Variants in WDR49 observed in about 807,000 individuals in gnomAD.
The protein encoded by WDR49 is WD repeat domain 49.
WDR49 carries 107 observed loss-of-function variants against 119.5 expected under a neutral mutation model. That is an observed-to-expected ratio of 0.90 (90% confidence interval 0.77 to 1.05). The LOEUF (loss-of-function observed/expected upper bound fraction) is 1.05, where lower values mean the gene tolerates loss of function less well. Among genes scored for constraint, WDR49 ranks in the 50% least tolerant of loss-of-function variants. The pLI, the probability that WDR49 is intolerant of heterozygous loss-of-function variation, is 0.00. For missense variants in WDR49, 1,240 were observed against 1,220.5 expected (o/e 1.02, Z -0.24); for synonymous variants, 425 against 418.8 (o/e 1.01, Z -0.18).
intron 7 of WDR49, among the ~76,000 whole-genome samples, chr3:167,595,207 C>A (rs926460912): frequency 1.3e-5 from 2 of 152,058 alleles, no homozygotes; most frequent in African/African-American, 4.8e-5. Flanking sequence ...CACTGCTCAA[C>A]AAAATAAAAG....
At position 167,576,067 on chromosome 3, in the gene WDR49, G is replaced by C. The variant is rs1405315330; in HGVS notation, c.1360C>G (p.Leu454Val). Residue 454 changes from leucine (L) to valine (V), a missense_variant, in exon 8 of 19, where the codon CTC becomes GTC. Leu to Val is a conservative substitution (Grantham distance 32, BLOSUM62 1). Coordinates refer to ENST00000682715, the MANE Select transcript of WDR49 (RefSeq NM_001366157.1). The stretch of plus-strand genomic sequence containing the variant: ...CCATGGGCTTCATCAAAGTGGAAGA[G>C]ACATCTGAAGTCCTGACTTTTGGGG... ...SFPKSQDFRC[L>V]FHFDEAHGRL... 6.2e-6 allele frequency: 10 copies of C among 1,614,060 alleles called. No homozygotes were observed. In the Admixed American group the frequency reaches 1.0e-4, roughly 16 times the overall value.
chr3:167,627,272 G>A lies in WDR49; in HGVS notation c.186C>T (p.Ile62=). The A allele has an allele frequency of 8.1e-7, 1 of 1,235,606 alleles. No homozygotes were observed. Among genetic ancestry groups the A allele is most frequent in the Non-Finnish European group, 1.0e-6 (1 of 989,068 alleles). 76.5% of individuals were successfully genotyped at this position (1,235,606 alleles called of 1,614,324 possible). Residue 62 remains isoleucine (I), a synonymous_variant, in exon 3 of 19, where the codon ATC becomes ATT. Transcript: ENST00000682715. The stretch of plus-strand genomic sequence containing the variant: ...TGAAGTCTTCTCTGGACATACAAAT[G>A]ATTTTCCTTGGCTGTGGGGACTAGA... ...KAFESPQPRK[I]ICMSREDFTQ...
At chr3:167,576,288 G>T (rs969912178) in intron 7 of WDR49, 137 bp from the exon 8 acceptor site, 5 of 666,586 alleles carry the variant, frequency 7.5e-6, no homozygotes, top group Non-Finnish European at 1.3e-5. Flanking sequence ...TCTCAATTCT[G>T]CCATAGCACC....
chr3:167,487,325 T>G (rs965967423), intron 18 of WDR49, among the ~76,000 whole-genome samples: 8 of 152,132 alleles, frequency 5.3e-5, no homozygotes, highest in African/African-American at 1.9e-4. Flanking sequence ...TGGCTAACCA[T>G]ATGCAGACAA....
intron 10 of WDR49, among the ~76,000 whole-genome samples, chr3:167,548,676 T>C (rs911475709): frequency 6.6e-5 from 10 of 151,950 alleles, no homozygotes; most frequent in African/African-American, 2.4e-4. Flanking sequence ...CAAGTTGCAA[T>C]GATATTTATT....
intron 8 of WDR49, chr3:167,575,183 G>T (rs764519356): frequency 1.6e-5 from 16 of 985,406 alleles, no homozygotes; most frequent in Non-Finnish European, 1.9e-5. Context: ...GATCACTGCA[G>T]CAGGCTAACC....
intron 18 of WDR49, among the ~76,000 whole-genome samples, chr3:167,486,615 A>G (rs1750929434): frequency 6.6e-6 from 1 of 152,164 alleles, no homozygotes; most frequent in Non-Finnish European, 1.5e-5. Flanking sequence ...CTTAAATCAG[A>G]TAAAACAGAT....
upstream of WDR49, among the ~76,000 whole-genome samples, chr3:167,656,005 G>A (rs1425419690): frequency 6.6e-6 from 1 of 152,104 alleles, no homozygotes; most frequent in Non-Finnish European, 1.5e-5. Context: ...AGTCTAGTCA[G>A]GGCAATTATC....
chr3:167,545,396 G>A (rs866734483), intron 10 of WDR49, among the ~76,000 whole-genome samples: 9 of 150,444 alleles, frequency 6.0e-5, no homozygotes, highest in East Asian at 3.9e-4. Flanking sequence ...AGATGCACAC[G>A]CATGTTTATA....
At chr3:167,602,421 A>G (rs1715821010) in intron 6 of WDR49, 146 bp from the exon 7 acceptor site, 3 of 655,532 alleles carry the variant, frequency 4.6e-6, no homozygotes, top group Non-Finnish European at 7.2e-6. Flanking sequence ...CCATTGTCTA[A>G]CTAGACCAGG....
At chr3:167,577,799 C>T (rs1577252013) in intron 7 of WDR49, among the ~76,000 whole-genome samples, 1 of 151,942 alleles carries the variant, frequency 6.6e-6, no homozygotes, top group East Asian at 1.9e-4. Flanking sequence ...TCCTTATTGC[C>T]CCATAAGGCA....
intron 3 of WDR49, among the ~76,000 whole-genome samples, chr3:167,625,722 C>A (rs1276213943): frequency 6.6e-6 from 1 of 151,932 alleles, no homozygotes; most frequent in Non-Finnish European, 1.5e-5. Context: ...AACATAACCA[C>A]CTATTCTAAA....
chr3:167,650,118 A>G (rs551194129), intron 2 of WDR49, among the ~76,000 whole-genome samples: 3 of 152,286 alleles, frequency 2.0e-5, no homozygotes, highest in Non-Finnish European at 2.9e-5. Flanking sequence ...GACTCTCAGG[A>G]GAAGCTCAAT....
At chr3:167,585,391 C>CGTGTGTGTGT (rs59424091) in intron 7 of WDR49, among the ~76,000 whole-genome samples, 1 of 137,388 alleles carries the variant, frequency 7.3e-6, no homozygotes. Context: ...TAAAAGGGTG[C>CGTGTGTGTGT]GTGTGTGTGT....
At chr3:167,594,883 G>GAAGGAAATAAAGGGTAAGGA (rs1257234401) in intron 7 of WDR49, among the ~76,000 whole-genome samples, 1 of 149,988 alleles carries the variant, frequency 6.7e-6, no homozygotes, top group Admixed American at 6.7e-5. Flanking sequence ...TTAGGCAGGA[G>GAAGGAAATAAAGGGTAAGGA]AAGGAAATAA....
intron 2 of WDR49, among the ~76,000 whole-genome samples, chr3:167,640,602 C>T (rs1398459247): frequency 6.6e-6 from 1 of 151,710 alleles, no homozygotes; most frequent in Non-Finnish European, 1.5e-5. Context: ...ATGTTTGGTG[C>T]CAAAATATCT....
chr3:167,624,063 G>A (rs185516492), intron 3 of WDR49, among the ~76,000 whole-genome samples: 50 of 151,940 alleles, frequency 3.3e-4, no homozygotes, highest in African/African-American at 1.1e-3. Context: ...AATAAAAAAT[G>A]GGAAAAGATT....
At chr3:167,561,853 A>G (rs1560286848) in intron 8 of WDR49, among the ~76,000 whole-genome samples, 1 of 150,174 alleles carries the variant, frequency 6.7e-6, no homozygotes, top group Non-Finnish European at 1.5e-5. Flanking sequence ...TGACATAGAC[A>G]GCCACATCAT....
intron 13 of WDR49, among the ~76,000 whole-genome samples, chr3:167,529,666 G>A (rs924029628): frequency 6.6e-6 from 1 of 152,078 alleles, no homozygotes; most frequent in Non-Finnish European, 1.5e-5. Context: ...CACAGATTTG[G>A]ATGGAATATG....
Sources: gnomAD v4.1 joint callset for allele counts (sites outside exome capture counted in the v4.1 genomes callset) on GRCh38, gnomAD v4.1.1 for gene constraint, MANE v1.5 for transcripts, NCBI Gene and HGNC (gene_info 2026-07-23, HGNC 2026-07-21) for gene names.